The following CLRN1 variants were observed in gnomAD, a reference collection of about 807,000 sequenced individuals.
CLRN1 encodes the protein clarin 1, also known as clarin-1.
In CLRN1, 15 loss-of-function variants were observed where a neutral mutation model predicts 18.7. The ratio of observed to expected loss-of-function variants is 0.80; its 90% CI spans 0.54 to 1.23. The LOEUF is 1.23. Among genes scored for constraint, CLRN1 ranks in the 50% most tolerant of loss-of-function variants. The pLI, the probability that CLRN1 is intolerant of heterozygous loss-of-function variation, is 0.00. For missense variants in CLRN1, 311 were observed against 277.5 expected (o/e 1.12, Z -0.86); for synonymous variants, 104 against 102.9 (o/e 1.01, Z -0.07).
At chr3:150,943,898 C>G in intron 1 of CLRN1, 1 of 1,613,794 alleles carries the variant, frequency 6.2e-7, no homozygotes, top group Non-Finnish European at 8.5e-7. Context: ...CACTCGTTCA[C>G]TCGTGTGCTC....
intron 2 of CLRN1, among the ~76,000 whole-genome samples, chr3:150,934,442 TAA>T (rs1284261625): frequency 6.6e-6 from 1 of 152,188 alleles, no homozygotes; most frequent in Non-Finnish European, 1.5e-5. Flanking sequence ...AGCCTATATA[TAA>T]GAGAATAATT....
intron 2 of CLRN1, among the ~76,000 whole-genome samples, chr3:150,933,737 G>T (rs570091722): frequency 1.3e-5 from 2 of 152,298 alleles, no homozygotes; most frequent in South Asian, 4.1e-4. Context: ...CCTTGCACAA[G>T]GTCATAGCTG....
At chr3:150,930,731 C>T (rs1373036875) in intron 2 of CLRN1, among the ~76,000 whole-genome samples, 1 of 152,146 alleles carries the variant, frequency 6.6e-6, no homozygotes, top group Non-Finnish European at 1.5e-5. Context: ...TGGTGAATTT[C>T]AGACAGAAGT....
In CLRN1 at chr3:150,948,916, T is replaced by A. The variant is rs563818580; in HGVS notation, c.254-7155A>T. Reference sequence around the variant, plus strand: ...ACAGAGACACAACAAAAAAAGAAACTTCAGGCCGATATCCGTGATGAACAT... The same window carrying A: ...ACAGAGACACAACAAAAAAAGAAACATCAGGCCGATATCCGTGATGAACAT... On this transcript the variant is annotated intron_variant, in intron 1 of 2. Coordinates refer to ENST00000327047, the MANE Select transcript of CLRN1 (RefSeq NM_174878.3). 1.2e-3 allele frequency among the ~76,000 whole-genome samples: 187 copies of A among 152,154 alleles called. 1 individual carries two copies. Among genetic ancestry groups the A allele is most frequent in the Middle Eastern group, 0.01 (3 of 294 alleles).
Position 150,927,942 on chromosome 3 carries a change from C to T in CLRN1, c.693G>A (p.Met231Ile), listed in dbSNP as rs772228956. 6 of 1,614,012 alleles carry T rather than the reference C, an allele frequency of 3.7e-6. No individual in the cohort carries two copies. The Admixed American group carries it at 5.0e-5, about 13-fold the overall frequency. The change falls in exon 3 of 3, where the codon ATG becomes ATA. Residue 231 changes from methionine to isoleucine, a missense_variant. Coordinates refer to ENST00000327047, the MANE Select transcript of CLRN1 (RefSeq NM_174878.3). ...TTATAGAAAGGTTTGCCTTTCAGTA[C>T]ATTAGATCTGCAGCTACATTAGTTG... ...AETTNVAADL[M>I]Y
At chr3:150,953,456 C>T (rs1479219528) in intron 1 of CLRN1, among the ~76,000 whole-genome samples, 1 of 152,136 alleles carries the variant, frequency 6.6e-6, no homozygotes, top group Non-Finnish European at 1.5e-5. Flanking sequence ...CACCAAACTT[C>T]TTCAAACAGC....
Position 150,926,581 on chromosome 3 carries a change from C to T in CLRN1, c.*1355G>A, listed in dbSNP as rs780015225. 31 of 621,516 alleles carry T rather than the reference C, an allele frequency of 5.0e-5. No individual in the cohort carries two copies. The highest frequency in any genetic ancestry group is 8.7e-5 in the Non-Finnish European group (30 of 342,978). 38.5% of individuals were successfully genotyped at this position (621,516 alleles called of 1,614,324 possible). A position where few individuals can be genotyped will look rare whatever the true frequency, so the allele number is the denominator to read the frequency against. On this transcript the variant is annotated 3_prime_UTR_variant, in exon 3 of 3. Transcript: ENST00000327047. ...GGGGAAAAACCAGCATCTGGAAACT[C>T]GGTGTGTTCTGATGTCTGCTGGCGA... is the stretch of plus-strand genomic sequence containing the variant.
intron 1 of CLRN1, among the ~76,000 whole-genome samples, chr3:150,972,070 G>A (rs1037888458): frequency 2.0e-5 from 3 of 152,224 alleles, no homozygotes; most frequent in South Asian, 2.1e-4. Flanking sequence ...GGTTAAATAC[G>A]GAGCCCATGA....
Position 150,927,631 on chromosome 3 carries a change from TACACAC to T in CLRN1, c.*299_*304del, listed in dbSNP as rs34027634. On this transcript the variant is annotated 3_prime_UTR_variant, in exon 3 of 3. Coordinates refer to ENST00000327047, the MANE Select transcript of CLRN1 (RefSeq NM_174878.3). Reference sequence around the variant, plus strand: ...ATATCTTTTTGATAGGAAGACATCTTACACACACACACACACACACACACACACATA... The same window carrying T: ...ATATCTTTTTGATAGGAAGACATCTTACACACACACACACACACACACATA... The T allele has an allele frequency of 2.2e-3, 1,020 of 472,514 alleles. 4 individuals are homozygous for T. The highest frequency in any genetic ancestry group is 3.5e-3 in the East Asian group (63 of 18,124). 29.3% of individuals were successfully genotyped at this position (472,514 alleles called of 1,614,324 possible).
intron 2 of CLRN1, among the ~76,000 whole-genome samples, chr3:150,936,241 C>T (rs1713478491): frequency 1.3e-5 from 2 of 152,080 alleles, no homozygotes; most frequent in South Asian, 2.1e-4. Flanking sequence ...TGCATTCTCT[C>T]CCTAGGTGAT....
chr3:150,928,794 A>C (rs948383989), intron 2 of CLRN1, among the ~76,000 whole-genome samples: 2 of 152,220 alleles, frequency 1.3e-5, no homozygotes, highest in Non-Finnish European at 2.9e-5. Flanking sequence ...TTGTAACAGA[A>C]TTCAGATTTT....
In CLRN1 at chr3:150,972,616, C is replaced by T. The variant is rs773516153; in HGVS notation, c.93G>A (p.Pro31=). ...AGAGGACAGTGGCTTTGATCCACAACGGTGTCCCCAAGGCTGTCACAACTC... is the reference window on the plus strand; with the variant it reads ...AGAGGACAGTGGCTTTGATCCACAATGGTGTCCCCAAGGCTGTCACAACTC... ...ALGVVTALGT[P]LWIKATVLCK... The change falls in exon 1 of 3, where the codon CCG becomes CCA. Residue 31 remains proline (P), a synonymous_variant. Coordinates refer to ENST00000327047, the MANE Select transcript of CLRN1 (RefSeq NM_174878.3). 16 of 1,614,108 alleles carry T rather than the reference C, an allele frequency of 9.9e-6. No individual in the cohort carries two copies. Among genetic ancestry groups the T allele is most frequent in the Non-Finnish European group, 1.4e-5 (16 of 1,180,038 alleles).
intron 1 of CLRN1, chr3:150,945,802 C>A (rs1011747507): frequency 4.5e-6 from 2 of 448,088 alleles, no homozygotes; most frequent in Non-Finnish European, 7.1e-6. Context: ...AAATGGGGAC[C>A]CTTGTGCATT....
At chr3:150,963,620 A>C (rs930738472) in intron 1 of CLRN1, among the ~76,000 whole-genome samples, 2 of 152,204 alleles carry the variant, frequency 1.3e-5, no homozygotes, top group African/African-American at 4.8e-5. Context: ...AATCCTAAGC[A>C]AAAAGAACAA....
chr3:150,935,956 T>G (rs1207054850), intron 2 of CLRN1, among the ~76,000 whole-genome samples: 1 of 151,720 alleles, frequency 6.6e-6, no homozygotes, highest in Non-Finnish European at 1.5e-5. Context: ...TTGAGAAGTG[T>G]CTGTTCATGT....
chr3:150,960,489 C>T (rs1005877924), intron 1 of CLRN1, among the ~76,000 whole-genome samples: 1 of 151,772 alleles, frequency 6.6e-6, no homozygotes, highest in Non-Finnish European at 1.5e-5. Context: ...CAGTCTTTTA[C>T]TTTTTTTTTC....
At chr3:150,969,849 G>A (rs540280449) in intron 1 of CLRN1, among the ~76,000 whole-genome samples, 4 of 152,154 alleles carry the variant, frequency 2.6e-5, no homozygotes, top group East Asian at 1.9e-4. Flanking sequence ...GGTGGTGCAC[G>A]CCTGTAGTCC....
At chr3:150,949,095 T>A (rs1434273266) in intron 1 of CLRN1, among the ~76,000 whole-genome samples, 1 of 152,064 alleles carries the variant, frequency 6.6e-6, no homozygotes, top group African/African-American at 2.4e-5. Flanking sequence ...TAAACAGAAC[T>A]AAAGACAAAA....
intron 1 of CLRN1, among the ~76,000 whole-genome samples, chr3:150,945,321 A>C (rs1318153854): frequency 2.0e-5 from 3 of 152,232 alleles, no homozygotes; most frequent in African/African-American, 7.2e-5. Context: ...AATTAGGAGC[A>C]GACCCATGAG....
Sources: gnomAD v4.1 joint callset for allele counts (sites outside exome capture counted in the v4.1 genomes callset) on GRCh38, gnomAD v4.1.1 for gene constraint, MANE v1.5 for transcripts, NCBI Gene and HGNC (gene_info 2026-07-23, HGNC 2026-07-21) for gene names.